HCCS: variants seen among roughly 807,000 people sequenced by gnomAD.
The protein encoded by HCCS is holocytochrome c-type synthase.
Under a neutral mutation model 24.2 loss-of-function variants are expected in HCCS, and 2 were observed. That is an observed-to-expected ratio of 0.08 (90% CI 0.03 to 0.26). HCCS has a LOEUF of 0.26. HCCS is among the 10% of genes least tolerant of loss of function. The probability of loss-of-function intolerance (pLI) is 1.00; values close to 1 mark genes in which losing one functional copy is unlikely to be tolerated. For synonymous variants in HCCS, 73 were observed against 76.2 expected (o/e 0.96, Z 0.22); for missense variants, 150 against 213.3 (o/e 0.70, Z 1.85).
At position 11,122,253 on chromosome X, in the gene HCCS, C is replaced by T. The variant is rs771967125; in HGVS notation, c.*443C>T. On this transcript the variant is annotated 3_prime_UTR_variant, in exon 7 of 7. Coordinates refer to ENST00000380762, the MANE Select transcript of HCCS (RefSeq NM_005333.5). ...GCCAAATATTTTAACTAAAGCTGTTCATTATAAATAAGAGGTGATTATACC... is the reference window on the plus strand; with the variant it reads ...GCCAAATATTTTAACTAAAGCTGTTTATTATAAATAAGAGGTGATTATACC... 1 of 121,789 alleles carries T rather than the reference C, an allele frequency of 8.2e-6. No homozygotes were observed. The highest frequency in any genetic ancestry group is 2.4e-4 in the East Asian group (1 of 4,101). The allele number at this position is 121,789 out of a possible 1,213,427, so 10.0% of individuals were successfully genotyped here. A position where few individuals can be genotyped will look rare whatever the true frequency, so the allele number is the denominator to read the frequency against.
chrX:11,117,093 C>T (rs186195073), intron 3 of HCCS, among the ~76,000 whole-genome samples, 174 bp from the exon 4 acceptor site: 3 of 112,576 alleles, frequency 2.7e-5, no homozygotes, highest in Non-Finnish European at 5.6e-5. Flanking sequence ...AACACAACCT[C>T]AGTAATGTGA....
chrX:11,116,303 AAGAT>A (rs1160553277), intron 3 of HCCS: 3 of 112,138 alleles, frequency 2.7e-5, no homozygotes, highest in Non-Finnish European at 5.6e-5. Flanking sequence ...TTCAGAGCTA[AAGAT>A]ACTGAGAGTG....
chrX:11,116,849 A>G (rs2045451869), intron 3 of HCCS, among the ~76,000 whole-genome samples: 1 of 112,629 alleles, frequency 8.9e-6, no homozygotes, highest in Non-Finnish European at 1.9e-5. Flanking sequence ...AAAATCTGAG[A>G]ATATTTTTTT....
In HCCS at chrX:11,114,959, T is replaced by C. The variant is rs1371473951; in HGVS notation, c.225T>C (p.Asn75=). The change falls in exon 3 of 7, where the codon AAT becomes AAC. Residue 75 remains asparagine (N), a synonymous_variant. Coordinates refer to ENST00000380762, the MANE Select transcript of HCCS (RefSeq NM_005333.5). ...ECPIRGTAAE[N]KENLDPSNLM... The stretch of plus-strand genomic sequence containing the variant: ...CCATTAGGGGCACTGCGGCTGAGAA[T>C]AAGGAGAACCTAGATCCTTCAAATC... 8.3e-7 allele frequency: 1 copy of C among 1,209,655 alleles called. No individual in the cohort carries two copies. Among genetic ancestry groups the C allele is most frequent in the Non-Finnish European group, 1.1e-6 (1 of 893,411 alleles).
At position 11,120,909 on chromosome X, in the gene HCCS, A is replaced by C. The variant is rs749307440; in HGVS notation, c.524A>C (p.Glu175Ala). The C allele has an allele frequency of 7.5e-6, 9 of 1,197,534 alleles. No individual in the cohort carries two copies. In the Admixed American group the frequency reaches 2.0e-4, roughly 26 times the overall value. The part of the protein sequence containing the change: ...ILKWEALHAA[E>A]CPCGPSLIRF... ...TTTTCTTATTTGGGGAATTCTAGAGAGTGTCCTTGTGGTCCATCATTGATC... is the reference window on the plus strand; with the variant it reads ...TTTTCTTATTTGGGGAATTCTAGAGCGTGTCCTTGTGGTCCATCATTGATC... Residue 175 changes from glutamate (E) to alanine (A), a missense_variant and splice_region_variant, in exon 6 of 7, where the codon GAG becomes GCG. Physicochemically the swap from Glu to Ala is moderately radical, Grantham distance 107. Coordinates refer to ENST00000380762, the MANE Select transcript of HCCS (RefSeq NM_005333.5).
rs770264429 is a variant in HCCS, at chrX:11,117,268, T to A, written c.254T>A (p.Met85Lys). The A allele has an allele frequency of 9.1e-6, 11 of 1,208,659 alleles. No individual in the cohort carries two copies. Among genetic ancestry groups the A allele is most frequent in the Non-Finnish European group, 1.1e-5 (10 of 892,488 alleles). ...NKENLDPSNL[M>K]PPPNQTPAPD... ...AGCAAATCTGTTCATTTTATTTAGA[T>A]GCCACCACCAAATCAAACACCAGCT... The change falls in exon 4 of 7, where the codon ATG becomes AAG. Residue 85 changes from methionine to lysine, a missense_variant and splice_region_variant. Met to Lys is a moderately conservative substitution (Grantham distance 95). Around this residue, in one of 2 missense-constraint regions of HCCS, gnomAD observed 95 missense variants for 79.1 expected, o/e 1.20. Coordinates refer to ENST00000380762, the MANE Select transcript of HCCS (RefSeq NM_005333.5).
chrX:11,118,016 C>T (rs746682545), intron 4 of HCCS, among the ~76,000 whole-genome samples: 1 of 112,160 alleles, frequency 8.9e-6, no homozygotes, highest in South Asian at 3.7e-4. Context: ...AAAACACCCT[C>T]ACAGACACAC....
intron 1 of HCCS, among the ~76,000 whole-genome samples, chrX:11,111,779 G>A (rs1361326904): frequency 8.9e-6 from 1 of 112,182 alleles, no homozygotes; most frequent in African/African-American, 3.2e-5. Context: ...CTCAGCGACT[G>A]CCTCACCTCA....
chrX:11,115,389 C>T (rs761203677), intron 3 of HCCS, among the ~76,000 whole-genome samples: 1 of 111,862 alleles, frequency 8.9e-6, no homozygotes, highest in South Asian at 3.8e-4. Context: ...CCAGCCTGCC[C>T]GAGTCACTAG....
intron 3 of HCCS, among the ~76,000 whole-genome samples, chrX:11,116,880 G>A (rs1260726124): frequency 8.9e-6 from 1 of 112,779 alleles, no homozygotes; most frequent in African/African-American, 3.2e-5. Context: ...TGCTGTACAT[G>A]TGTGCTATGA....
At chrX:11,114,288 T>C (rs150763701) in intron 2 of HCCS, among the ~76,000 whole-genome samples, 1 of 112,809 alleles carries the variant, frequency 8.9e-6, no homozygotes, top group Non-Finnish European at 1.9e-5. Context: ...CAGAGTGGCA[T>C]TCAGATTTTT....
intron 6 of HCCS, 117 bp from the exon 7 acceptor site, chrX:11,121,495 C>T: frequency 1.7e-6 from 1 of 584,251 alleles, no homozygotes; most frequent in Non-Finnish European, 3.0e-6. Context: ...TCTGACTTCC[C>T]CAGTTAGGTG....
At chrX:11,115,083 T>C in intron 3 of HCCS, 97 bp downstream of exon 3, 1 of 713,185 alleles carries the variant, frequency 1.4e-6, no homozygotes, top group Non-Finnish European at 2.2e-6. Flanking sequence ...TGAATTCTTC[T>C]GTCCTTTGAA....
chrX:11,111,539 T>G (rs946863156), intron 1 of HCCS, 21 bp downstream of exon 1: 7 of 148,844 alleles, frequency 4.7e-5, no homozygotes, highest in Non-Finnish European at 7.8e-5. Flanking sequence ...GCCGGGACGG[T>G]GTGGGGAAGA....
In HCCS at chrX:11,112,105, A is replaced by G. The variant is rs1314936161; in HGVS notation, c.45A>G (p.Ser15=). The G allele has an allele frequency of 8.3e-7, 1 of 1,210,754 alleles. No individual in the cohort carries two copies. The highest frequency in any genetic ancestry group is 2.2e-5 in the Admixed American group (1 of 46,121). ...PSAPAVAVQA[S]NASASPPSGC... ...CTCCTGCTGTTGCAGTTCAGGCCTC[A>G]AATGCTTCAGCGTCCCCACCTTCAG... The change falls in exon 2 of 7, where the codon TCA becomes TCG. Residue 15 remains serine, a synonymous_variant. Coordinates refer to ENST00000380762, the MANE Select transcript of HCCS (RefSeq NM_005333.5).
chrX:11,117,913 G>C (rs1438704961), intron 4 of HCCS, among the ~76,000 whole-genome samples: 2 of 111,601 alleles, frequency 1.8e-5, no homozygotes, highest in Admixed American at 1.9e-4. Flanking sequence ...TGTCATTCAG[G>C]TCTGCAGCTG....
chrX:11,111,792 C>T (rs767484086), intron 1 of HCCS, among the ~76,000 whole-genome samples: 2 of 112,308 alleles, frequency 1.8e-5, no homozygotes, highest in South Asian at 7.4e-4. Context: ...TCACCTCAGT[C>T]CCAAAATCCT....
In HCCS at chrX:11,112,154, A is replaced by T. The variant is rs761659830; in HGVS notation, c.94A>T (p.Met32Leu). Residue 32 changes from methionine (M) to leucine (L), a missense_variant, in exon 2 of 7, where the codon ATG becomes TTG. Transcript: ENST00000380762. ...AGGATGCCCGATGCATGAAGGGAAA[A>T]TGAAAGGTAATCGGCCCTTTGCCTA... Reference protein sequence around the residue: ...PSGCPMHEGKMKGCPVNTEPS... With the variant: ...PSGCPMHEGKLKGCPVNTEPS... The T allele has an allele frequency of 2.5e-6, 3 of 1,186,593 alleles. No individual in the cohort carries two copies. The Admixed American group carries it at 6.5e-5, about 26-fold the overall frequency.
intron 3 of HCCS, among the ~76,000 whole-genome samples, chrX:11,115,772 C>T (rs1020828472): frequency 8.9e-6 from 1 of 112,259 alleles, no homozygotes; most frequent in African/African-American, 3.2e-5. Flanking sequence ...CAAATATTTA[C>T]ACCAGAGGTC....
Sources: gnomAD v4.1 joint callset for allele counts (sites outside exome capture counted in the v4.1 genomes callset) on GRCh38, gnomAD v4.1.1 for gene constraint, gnomAD v4.1.1 regional missense constraint, MANE v1.5 for transcripts, NCBI Gene and HGNC (gene_info 2026-07-23, HGNC 2026-07-21) for gene names.